FHL5: variants seen among roughly 807,000 people sequenced by gnomAD.
FHL5 encodes the protein four and a half LIM domains 5, also known as four and a half LIM domains protein 5.
FHL5 carries 33 observed loss-of-function variants against 32.0 expected under a neutral mutation model. The ratio of observed to expected loss-of-function variants is 1.03; its 90% CI spans 0.78 to 1.38. FHL5 has a LOEUF of 1.38. FHL5 is among the 40% of genes most tolerant of loss of function. The pLI, the probability that FHL5 is intolerant of heterozygous loss-of-function variation, is 0.00. For missense variants in FHL5, 336 were observed against 343.9 expected, an observed-to-expected ratio of 0.98 and a Z score of 0.18; for synonymous variants, 114 against 113.6, an observed-to-expected ratio of 1.00 and a Z score of -0.02.
intron 1 of FHL5, among the ~76,000 whole-genome samples, chr6:96,588,614 C>T (rs1770849761): frequency 6.6e-6 from 1 of 152,154 alleles, no homozygotes; most frequent in African/African-American, 2.4e-5. Context: ...TTAAATTTCA[C>T]TGATTAAGAG....
intron 1 of FHL5, among the ~76,000 whole-genome samples, chr6:96,590,734 T>G (rs1770898685): frequency 1.3e-5 from 2 of 152,130 alleles, no homozygotes; most frequent in South Asian, 4.1e-4. Flanking sequence ...ATAGGTTTTT[T>G]TAAACCACAT....
At chr6:96,565,957 G>A (rs928787726) in intron 1 of FHL5, among the ~76,000 whole-genome samples, 1 of 151,666 alleles carries the variant, frequency 6.6e-6, no homozygotes. Context: ...ATCAAATCAG[G>A]GTAAATAGCA....
At chr6:96,612,720 GA>G (rs1771437985) in intron 5 of FHL5, among the ~76,000 whole-genome samples, 2 of 152,084 alleles carry the variant, frequency 1.3e-5, no homozygotes, top group African/African-American at 4.8e-5. Flanking sequence ...CAGTCCACAG[GA>G]AATGTCTAAT....
At chr6:96,593,648 C>A (rs1770967875) in intron 1 of FHL5, among the ~76,000 whole-genome samples, 1 of 152,120 alleles carries the variant, frequency 6.6e-6, no homozygotes, top group African/African-American at 2.4e-5. Flanking sequence ...CAATCTTTGT[C>A]CCCTTAGCCT....
rs551163254 is a variant in FHL5, at chr6:96,617,061, G to C, written c.*1289G>C. Among the ~76,000 whole-genome samples the C allele has an allele frequency of 1.3e-5, 2 of 152,142 alleles. No individual in the cohort carries two copies. The highest frequency in any genetic ancestry group is 2.9e-5 in the Non-Finnish European group (2 of 68,032). On this transcript the variant is annotated 3_prime_UTR_variant, in exon 6 of 6. Coordinates refer to ENST00000450218, the MANE Select transcript of FHL5 (RefSeq NM_001322466.2). ...TTATTGATCACACAGGAAGTAAAGA[G>C]CCTTAGTGAGAAGTCCATCACCAGG...
rs3839356 is a variant in FHL5, at chr6:96,604,307, TTC to T, written c.160-419_160-418del. Among the ~76,000 whole-genome samples, 549 of 144,616 alleles carry T rather than the reference TTC, an allele frequency of 3.8e-3. 2 individuals carry two copies. The highest frequency in any genetic ancestry group is 4.2e-3 in the Admixed American group (60 of 14,434). 94.9% of individuals were successfully genotyped at this position (144,616 alleles called of 152,430 possible). On this transcript the variant is annotated intron_variant, in intron 2 of 5. Coordinates refer to ENST00000450218, the MANE Select transcript of FHL5 (RefSeq NM_001322466.2). ...ATCCTCCGATTATTTTCCTCTCTCTTTCTCTCTCTCTCTCTCTCTCTCTCTGT... is the reference window on the plus strand; with the variant it reads ...ATCCTCCGATTATTTTCCTCTCTCTTTCTCTCTCTCTCTCTCTCTCTCTGT...
At chr6:96,578,046 C>A (rs1422386531) in intron 1 of FHL5, among the ~76,000 whole-genome samples, 2 of 151,992 alleles carry the variant, frequency 1.3e-5, no homozygotes, top group East Asian at 3.9e-4. Context: ...TCCCTCCCAG[C>A]TTTTAGATTT....
chr6:96,570,608 G>A (rs1161029515), intron 1 of FHL5, among the ~76,000 whole-genome samples: 2 of 151,964 alleles, frequency 1.3e-5, no homozygotes, highest in Non-Finnish European at 2.9e-5. Context: ...TTCTCCTTCT[G>A]GAAATTCCAT....
At chr6:96,586,581 C>G (rs574111048) in intron 1 of FHL5, among the ~76,000 whole-genome samples, 1 of 152,018 alleles carries the variant, frequency 6.6e-6, no homozygotes, top group South Asian at 2.1e-4. Flanking sequence ...GGGACAATGC[C>G]CCAAAGAAAT....
intron 1 of FHL5, among the ~76,000 whole-genome samples, chr6:96,594,328 T>C (rs962869466): frequency 6.9e-6 from 1 of 145,906 alleles, no homozygotes; most frequent in Non-Finnish European, 1.5e-5. Context: ...CTGCCAAACA[T>C]TGGAACAAAA....
chr6:96,610,482 C>A, intron 4 of FHL5, 90 bp from the exon 5 acceptor site: 1 of 935,472 alleles, frequency 1.1e-6, no homozygotes, highest in Non-Finnish European at 1.6e-6. Flanking sequence ...TCCTTTTCTC[C>A]CCAGAGATAC....
intron 1 of FHL5, among the ~76,000 whole-genome samples, chr6:96,567,705 C>T (rs1770387471): frequency 6.6e-6 from 1 of 151,132 alleles, no homozygotes; most frequent in South Asian, 2.1e-4. Flanking sequence ...TCTTTCACCT[C>T]CTTGGTTAAA....
In FHL5 at chr6:96,603,087, G is replaced by C. The variant is rs550397908; in HGVS notation, c.-12-515G>C. Among the ~76,000 whole-genome samples the C allele has an allele frequency of 9.9e-5, 15 of 152,194 alleles. No individual in the cohort carries two copies. The South Asian group carries it at 3.1e-3, about 32-fold the overall frequency. On this transcript the variant is annotated intron_variant, in intron 1 of 5. Transcript: ENST00000450218. Reference sequence around the variant, plus strand: ...GGGTAAATGTGCAGAGCCCTTATTAGGTATTCAGTAAAGACTTGAGGAGTA... The same window carrying C: ...GGGTAAATGTGCAGAGCCCTTATTACGTATTCAGTAAAGACTTGAGGAGTA...
At chr6:96,612,596 A>C (rs1376803524) in intron 5 of FHL5, among the ~76,000 whole-genome samples, 1 of 152,162 alleles carries the variant, frequency 6.6e-6, no homozygotes, top group Non-Finnish European at 1.5e-5. Context: ...ATGGAAAAAC[A>C]ACGTTGTTCT....
chr6:96,571,792 C>T (rs2127959315), intron 1 of FHL5, among the ~76,000 whole-genome samples: 1 of 152,220 alleles, frequency 6.6e-6, no homozygotes, highest in Non-Finnish European at 1.5e-5. Context: ...GTCAATAGGG[C>T]TCAGTGTCAA....
intron 1 of FHL5, among the ~76,000 whole-genome samples, chr6:96,581,314 G>T (rs905888270): frequency 4.6e-5 from 7 of 152,036 alleles, no homozygotes; most frequent in Non-Finnish European, 1.0e-4. Flanking sequence ...AGCCATCTTG[G>T]CTTCATAGTA....
chr6:96,596,888 T>C (rs1771046431), intron 1 of FHL5, among the ~76,000 whole-genome samples: 2 of 152,284 alleles, frequency 1.3e-5, no homozygotes, highest in Non-Finnish European at 1.5e-5. Flanking sequence ...ATTAGTGGCA[T>C]ACTAATTCTA....
intron 1 of FHL5, among the ~76,000 whole-genome samples, chr6:96,567,780 A>G (rs1377431690): frequency 1.5e-5 from 2 of 135,066 alleles, no homozygotes; most frequent in Admixed American, 7.2e-5. Context: ...TTTTTTTTCC[A>G]CTAGTTTGTT....
rs1771385452 is a variant in FHL5, at chr6:96,610,688, T to C, written c.621T>C (p.Tyr207=). 2 of 1,613,672 alleles carry C rather than the reference T, an allele frequency of 1.2e-6. No homozygotes were observed. Among genetic ancestry groups the C allele is most frequent in the Non-Finnish European group, 8.5e-7 (1 of 1,179,690 alleles). Residue 207 remains tyrosine (Y), a synonymous_variant, in exon 5 of 6, where the codon TAT becomes TAC. Transcript: ENST00000450218. ...AACAGTTCATGTCCAGAGACGACTA[T>C]CCATTCTGCGTGGACTGCTACAACC... is the stretch of plus-strand genomic sequence containing the variant. ...CEEQFMSRDD[Y]PFCVDCYNHL...
Sources: allele counts gnomAD v4.1 joint callset (sites outside exome capture counted in the v4.1 genomes callset), GRCh38; gene constraint gnomAD v4.1.1; transcripts MANE v1.5; gene names NCBI Gene and HGNC (gene_info 2026-07-23, HGNC 2026-07-21).